Variants in PMPCB observed in about 807,000 individuals in gnomAD.
PMPCB encodes the protein peptidase, mitochondrial processing subunit beta, also known as mitochondrial-processing peptidase subunit beta.
A neutral mutation model predicts 61.5 loss-of-function variants in PMPCB; 46 were observed. The observed-to-expected ratio is 0.75, with a 90% CI of 0.59 to 0.96. PMPCB has a LOEUF of 0.96. Among genes scored for constraint, PMPCB ranks in the 40% least tolerant of loss-of-function variants. PMPCB has a pLI of 0.00. For synonymous variants in PMPCB, 191 were observed against 201.6 expected (o/e 0.95, Z 0.44); for missense variants, 590 against 602.4 (o/e 0.98, Z 0.22).
At chr7:103,330,137 A>C (rs999634285), downstream of PMPCB, among the ~76,000 whole-genome samples, 1 of 152,232 alleles carries the variant, frequency 6.6e-6, no homozygotes, top group East Asian at 1.9e-4. Context: ...ATGTGCTTTC[A>C]CTACCTACTC....
the PMPCB span, among the ~76,000 whole-genome samples, chr7:103,338,795 A>G: frequency 3.3e-5 from 5 of 151,938 alleles, no homozygotes; most frequent in African/African-American, 4.8e-5. Flanking sequence ...CTGTAATCCC[A>G]GCTACTCGGG....
At chr7:103,347,308 A>C in the PMPCB span, among the ~76,000 whole-genome samples, 11 of 152,300 alleles carry the variant, frequency 7.2e-5, no homozygotes, top group East Asian at 2.1e-3. Flanking sequence ...GATGTTGTCC[A>C]TTTGTATATC....
chr7:103,320,546 G>A (rs1423248398), intron 12 of PMPCB, among the ~76,000 whole-genome samples: 2 of 151,186 alleles, frequency 1.3e-5, no homozygotes, highest in African/African-American at 4.9e-5. Context: ...GGATCGTGAG[G>A]TCAGGAGATC....
In PMPCB at chr7:103,314,092, G is replaced by C; in HGVS notation, c.*1821G>C. On this transcript the variant is annotated 3_prime_UTR_variant, in exon 13 of 13. Coordinates refer to ENST00000249269, the MANE Select transcript of PMPCB (RefSeq NM_004279.3). ...AAAGCAGAGAATTTGTATAATATTTGATGGTACCTAAGGTGCCTAAGAAGC... is the reference window on the plus strand; with the variant it reads ...AAAGCAGAGAATTTGTATAATATTTCATGGTACCTAAGGTGCCTAAGAAGC... 2.0e-6 allele frequency: 2 copies of C among 985,370 alleles called. No homozygotes were observed. The highest frequency in any genetic ancestry group is 2.4e-6 in the Non-Finnish European group (2 of 829,916). The allele number at this position is 985,370 out of a possible 1,614,324, so 61.0% of individuals were successfully genotyped here.
intron 12 of PMPCB, among the ~76,000 whole-genome samples, chr7:103,328,082 A>C (rs1046350540): frequency 6.6e-5 from 10 of 151,728 alleles, no homozygotes; most frequent in African/African-American, 2.4e-4. Flanking sequence ...CACCATGCCC[A>C]GCTATTTTTT....
chr7:103,308,936 G>A lies in PMPCB; in HGVS notation c.850-16G>A, dbSNP rs1164122727. On this transcript the variant is annotated splice_polypyrimidine_tract_variant and intron_variant, in intron 7 of 12. Coordinates refer to ENST00000249269, the MANE Select transcript of PMPCB (RefSeq NM_004279.3). ...GTTAATCTTAACTAGAGGTCCTCCT[G>A]CTTTATCTTAACTAGATTCGTGTGA... 6.5e-7 allele frequency: 1 copy of A among 1,545,760 alleles called. No homozygotes were observed. The highest frequency in any genetic ancestry group is 8.7e-7 in the Non-Finnish European group (1 of 1,145,118).
In PMPCB at chr7:103,297,578, G is replaced by C; in HGVS notation, c.99+20G>C. On this transcript the variant is annotated intron_variant, in intron 1 of 12. Transcript: ENST00000249269. ...GGACGGGTGAGCTTCCCTCCAGGCC[G>C]GTCCTGTCCTCGAGATCTCGCCAGA... 1 of 1,612,030 alleles carries C rather than the reference G, an allele frequency of 6.2e-7. No individual in the cohort carries two copies. The highest frequency in any genetic ancestry group is 8.5e-7 in the Non-Finnish European group (1 of 1,178,962).
At chr7:103,337,537 G>T in the PMPCB span, 1 of 527,490 alleles carries the variant, frequency 1.9e-6, no homozygotes, top group African/African-American at 1.9e-5. Context: ...TAATGGGAAA[G>T]TCTATATGTA....
chr7:103,313,154 A>G lies in PMPCB; in HGVS notation c.*883A>G. 1 of 1,561,308 alleles carries G rather than the reference A, an allele frequency of 6.4e-7. No individual in the cohort carries two copies. Among genetic ancestry groups the G allele is most frequent in the South Asian group, 1.2e-5 (1 of 82,352 alleles). On this transcript the variant is annotated 3_prime_UTR_variant, in exon 13 of 13. Transcript: ENST00000249269. Reference sequence around the variant, plus strand: ...ACTGTCTTTGAACATGTTCTCAGACAAGTCTTGTGGTCCACAAGTATTCGC... The same window carrying G: ...ACTGTCTTTGAACATGTTCTCAGACGAGTCTTGTGGTCCACAAGTATTCGC...
chr7:103,327,368 A>C (rs1317090167), intron 12 of PMPCB: 32 of 1,265,146 alleles, frequency 2.5e-5, no homozygotes, highest in Non-Finnish European at 3.3e-5. Flanking sequence ...GATAAGAATC[A>C]CCTGGGGATC....
chr7:103,305,920 C>T (rs979652046), intron 6 of PMPCB, among the ~76,000 whole-genome samples: 2 of 152,154 alleles, frequency 1.3e-5, no homozygotes, highest in Non-Finnish European at 2.9e-5. Context: ...ACCTCTCTGC[C>T]ATTGTTGGTG....
At position 103,314,053 on chromosome 7, in the gene PMPCB, C is replaced by G. The variant is rs1478397417; in HGVS notation, c.*1782C>G. The G allele has an allele frequency of 1.0e-6, 1 of 985,172 alleles. No homozygotes were observed. The highest frequency in any genetic ancestry group is 1.2e-6 in the Non-Finnish European group (1 of 829,868). The allele number at this position is 985,172 out of a possible 1,614,324, so 61.0% of individuals were successfully genotyped here. A position where few individuals can be genotyped will look rare whatever the true frequency, so the allele number is the denominator to read the frequency against. On this transcript the variant is annotated 3_prime_UTR_variant, in exon 13 of 13. Transcript: ENST00000249269. ...ACAAAACAAAACAAAACAAAACCAC[C>G]ACCTATTCAAAACAAAGCAGAGAAT...
At chr7:103,323,085 A>G (rs1818508969) in intron 12 of PMPCB, among the ~76,000 whole-genome samples, 1 of 152,108 alleles carries the variant, frequency 6.6e-6, no homozygotes, top group Non-Finnish European at 1.5e-5. Context: ...GCCTGTCACC[A>G]TGCCTGGCTA....
chr7:103,344,262 C>T, the PMPCB span: 5 of 442,404 alleles, frequency 1.1e-5, no homozygotes, highest in Non-Finnish European at 2.0e-5. Context: ...TTATGAGAAC[C>T]TTTCTGGGGT....
chr7:103,318,026 T>A (rs77396224), downstream of PMPCB, among the ~76,000 whole-genome samples: 1,849 of 152,302 alleles, frequency 0.012, 38 homozygotes, highest in African/African-American at 0.042. Flanking sequence ...AACGTCAGAT[T>A]AGTAGTACAA....
intron 4 of PMPCB, 145 bp from the exon 5 acceptor site, chr7:103,303,697 A>G (rs1586042317): frequency 1.7e-6 from 1 of 592,492 alleles, no homozygotes; most frequent in East Asian, 2.8e-5. Context: ...TTGTCCTGTT[A>G]AGTATATCTG....
chr7:103,331,258 C>T (rs564549077), downstream of PMPCB, among the ~76,000 whole-genome samples: 1 of 152,266 alleles, frequency 6.6e-6, no homozygotes, highest in South Asian at 2.1e-4. Flanking sequence ...GTGCCTGGCT[C>T]ATTTTGTGCA....
chr7:103,300,202 G>A lies in PMPCB; in HGVS notation c.352G>A (p.Asp118Asn). ...GGGCACCAAGAAGAGATCCCAGTTA[G>A]ATCTGGAACTTGAGATTGAAAATAT... ...FKGTKKRSQL[D>N]LELEIENMGA... The change falls in exon 4 of 13, where the codon GAT (aspartate) becomes AAT (asparagine). Residue 118 changes from aspartate (D) to asparagine (N), a missense_variant. Asp to Asn is a conservative substitution (Grantham distance 23). Transcript: ENST00000249269. The A allele has an allele frequency of 1.2e-6, 2 of 1,613,026 alleles. No individual in the cohort carries two copies. Among genetic ancestry groups the A allele is most frequent in the Non-Finnish European group, 1.7e-6 (2 of 1,179,322 alleles).
At chr7:103,344,827 C>A in the PMPCB span, 3 of 606,488 alleles carry the variant, frequency 4.9e-6, no homozygotes, top group East Asian at 8.3e-5. Context: ...CTCCCACCCC[C>A]GCCAACGTGT....
Sources: allele counts gnomAD v4.1 joint callset (sites outside exome capture counted in the v4.1 genomes callset), GRCh38; gene constraint gnomAD v4.1.1; transcripts MANE v1.5; gene names NCBI Gene and HGNC (gene_info 2026-07-23, HGNC 2026-07-21).